The following ADAMTSL1 variants were observed in gnomAD, a reference collection of about 807,000 sequenced individuals.
ADAMTSL1 encodes ADAMTS like 1, also known as ADAMTS-like protein 1.
In ADAMTSL1, 126 loss-of-function variants were observed where a neutral mutation model predicts 201.8. The observed-to-expected ratio is 0.62, with a 90% CI of 0.54 to 0.72. The LOEUF (loss-of-function observed/expected upper bound fraction) is 0.72, where lower values mean the gene tolerates loss of function less well. ADAMTSL1 is among the 30% of genes least tolerant of loss of function. ADAMTSL1 has a pLI of 0.00. For synonymous variants in ADAMTSL1, 1,121 were observed against 903.4 expected (o/e 1.24, Z -4.32); for missense variants, 2,679 against 2,277.8 (o/e 1.18, Z -3.59).
rs559495136 is a variant in ADAMTSL1 at position 18,236,212 on chromosome 9, A to G, written c.207+72231A>G. ...CAGCCTCCTGAGTAGCTGGGATTAC[A>G]GGCACCCACCACCACGCCCGACTAA... On this transcript the variant is annotated intron_variant, in intron 2 of 29. Coordinates refer to the ADAMTSL1 transcript ENST00000680146. Among the ~76,000 whole-genome samples, 456 of 152,272 alleles carry G rather than the reference A, an allele frequency of 3.0e-3. 5 individuals carry two copies. The highest frequency in any genetic ancestry group is 5.6e-3 in the Non-Finnish European group (382 of 68,020).
Position 18,892,374 on chromosome 9 carries a change from T to G in ADAMTSL1, c.4644-15T>G. The G allele has an allele frequency of 1.2e-6, 2 of 1,607,254 alleles. No individual in the cohort carries two copies. The highest frequency in any genetic ancestry group is 2.7e-5 in the African/African-American group (2 of 74,968). ...GTCCCTTTAGGGCTCTCCTGACACTTCTTCCTCTCCCCAGGTGGATGGTGA... is the reference window on the plus strand; with the variant it reads ...GTCCCTTTAGGGCTCTCCTGACACTGCTTCCTCTCCCCAGGTGGATGGTGA... On this transcript the variant is annotated splice_polypyrimidine_tract_variant and intron_variant, in intron 25 of 28. Transcript: ENST00000380548.
At chr9:18,356,261 G>A (rs888478735) in intron 2 of ADAMTSL1, among the ~76,000 whole-genome samples, 1 of 152,134 alleles carries the variant, frequency 6.6e-6, no homozygotes, top group African/African-American at 2.4e-5. Context: ...TTCACAGTTT[G>A]GCTTGCAGGT....
At chr9:18,795,660 T>G (rs953427038) in intron 20 of ADAMTSL1, 136 bp downstream of exon 20, 1 of 963,902 alleles carries the variant, frequency 1.0e-6, no homozygotes, top group Non-Finnish European at 1.5e-6. Flanking sequence ...AATCTATAAT[T>G]ACAACAGCAG....
intron 2 of ADAMTSL1, among the ~76,000 whole-genome samples, chr9:18,311,911 A>G (rs1834172660): frequency 6.6e-6 from 1 of 152,340 alleles, no homozygotes; most frequent in South Asian, 2.1e-4. Context: ...AAGGAAAAAA[A>G]AATGTATCCC....
intron 2 of ADAMTSL1, among the ~76,000 whole-genome samples, chr9:18,389,126 T>A (rs1230124669): frequency 6.6e-6 from 1 of 152,092 alleles, no homozygotes; most frequent in African/African-American, 2.4e-5. Flanking sequence ...TTCTACCCTT[T>A]CTTAAATGAT....
intron 19 of ADAMTSL1, among the ~76,000 whole-genome samples, chr9:18,790,402 C>T (rs1453507016): frequency 6.6e-6 from 1 of 152,172 alleles, no homozygotes; most frequent in African/African-American, 2.4e-5. Context: ...TCACACAAGA[C>T]AGTGGTGTCA....
intron 4 of ADAMTSL1, among the ~76,000 whole-genome samples, chr9:18,580,192 T>A (rs1470187398): frequency 6.6e-6 from 1 of 152,200 alleles, no homozygotes; most frequent in Non-Finnish European, 1.5e-5. Context: ...AATATTGTTT[T>A]AAAATGAATA....
At chr9:18,009,262 T>A (rs1819954264) in intron 1 of ADAMTSL1, among the ~76,000 whole-genome samples, 1 of 152,018 alleles carries the variant, frequency 6.6e-6, no homozygotes, top group South Asian at 2.1e-4. Context: ...TACAACTCAA[T>A]GTTTCCATCA....
intron 2 of ADAMTSL1, among the ~76,000 whole-genome samples, chr9:18,351,253 CA>C (rs199510703): frequency 0.21 from 25,735 of 120,688 alleles, 2,269 homozygotes; most frequent in South Asian, 0.28. Context: ...GATGAAAGAC[CA>C]AAAAAAAAAA....
chr9:18,806,805 A>C (rs1823152206), intron 20 of ADAMTSL1, among the ~76,000 whole-genome samples: 1 of 152,188 alleles, frequency 6.6e-6, no homozygotes, highest in African/African-American at 2.4e-5. Flanking sequence ...TTCAGGATCA[A>C]AATGGTGCCT....
At chr9:18,681,698 G>GTGTTGGGC in intron 11 of ADAMTSL1, 114 bp from the exon 12 acceptor site, 1 of 322,690 alleles carries the variant, frequency 3.1e-6, no homozygotes, top group Non-Finnish European at 4.6e-6. Context: ...GTCCTCGTGT[G>GTGTTGGGC]GGGGGGGGGG....
At position 18,686,361 on chromosome 9, in the gene ADAMTSL1, G is replaced by A. The variant is rs150467922; in HGVS notation, c.1574+1561G>A. ...TGCAGAACTTTGGAGGAAAGGGAGT[G>A]ATTAAAGATCACAGTGTAACCTTGG... On this transcript the variant is annotated intron_variant, in intron 13 of 28. Coordinates refer to ENST00000380548, the MANE Select transcript of ADAMTSL1 (RefSeq NM_001040272.6). 8.8e-3 allele frequency among the ~76,000 whole-genome samples: 1,344 copies of A among 152,324 alleles called. 27 individuals carry two copies. The highest frequency in any genetic ancestry group is 0.03 in the African/African-American group (1,260 of 41,578).
At chr9:18,303,436 G>C (rs746766243) in intron 2 of ADAMTSL1, among the ~76,000 whole-genome samples, 1 of 152,176 alleles carries the variant, frequency 6.6e-6, no homozygotes, top group African/African-American at 2.4e-5. Context: ...CACAGGGAAA[G>C]GGGAACATAA....
At chr9:18,113,102 G>A (rs1357971798) in intron 1 of ADAMTSL1, among the ~76,000 whole-genome samples, 3 of 152,116 alleles carry the variant, frequency 2.0e-5, no homozygotes, top group African/African-American at 4.8e-5. Context: ...AGTTCTGAGC[G>A]AATACGGGGT....
intron 9 of ADAMTSL1, among the ~76,000 whole-genome samples, chr9:18,664,650 G>A (rs1378966042): frequency 6.6e-6 from 1 of 151,862 alleles, no homozygotes; most frequent in Non-Finnish European, 1.5e-5. Context: ...GAAGGAAAAA[G>A]TAAAAAATAA....
At position 18,386,703 on chromosome 9, in the gene ADAMTSL1, T is replaced by C. The variant is rs180844175; in HGVS notation, c.208-118126T>C. On this transcript the variant is annotated intron_variant, in intron 2 of 29. Coordinates refer to the ADAMTSL1 transcript ENST00000680146. ...TTGTGACATTTTAATTTGATTTATA[T>C]TGTATTCTGCATGTAGTCATCGTGT... Among the ~76,000 whole-genome samples, 152 of 152,320 alleles carry C rather than the reference T, an allele frequency of 1.0e-3. 1 individual carries two copies. The highest frequency in any genetic ancestry group is 3.1e-3 in the African/African-American group (129 of 41,582).
At chr9:17,927,812 C>T (rs181081755) in intron 1 of ADAMTSL1, among the ~76,000 whole-genome samples, 20 of 152,050 alleles carry the variant, frequency 1.3e-4, no homozygotes, top group African/African-American at 4.8e-4. Flanking sequence ...CTGGGGTGTC[C>T]TGGAGTGAAT....
intron 1 of ADAMTSL1, among the ~76,000 whole-genome samples, chr9:18,116,984 T>A (rs1587087858): frequency 6.6e-6 from 1 of 152,216 alleles, no homozygotes; most frequent in Admixed American, 6.5e-5. Context: ...ATCCTTCAAA[T>A]TGTAAAAGCC....
intron 23 of ADAMTSL1, among the ~76,000 whole-genome samples, chr9:18,880,606 A>G (rs1190691614): frequency 6.6e-6 from 1 of 152,228 alleles, no homozygotes; most frequent in African/African-American, 2.4e-5. Context: ...CTATAAACAG[A>G]TGTGCTGTCA....
Sources: allele counts gnomAD v4.1 joint callset (sites outside exome capture counted in the v4.1 genomes callset), GRCh38; gene constraint gnomAD v4.1.1; transcripts MANE v1.5; gene names NCBI Gene and HGNC (gene_info 2026-07-23, HGNC 2026-07-21).